TTC28: variants seen among roughly 807,000 people sequenced by gnomAD.
TTC28 encodes tetratricopeptide repeat protein 28.
Under a neutral mutation model 198.0 loss-of-function variants are expected in TTC28, and 61 were observed. That is an observed-to-expected ratio of 0.31 (90% CI 0.25 to 0.38). The LOEUF is 0.38. Among genes scored for constraint, TTC28 ranks in the 10% least tolerant of loss-of-function variants. The probability of loss-of-function intolerance (pLI) is 1.00; values close to 1 mark genes in which losing one functional copy is unlikely to be tolerated. For synonymous variants in TTC28, 1,171 were observed against 1,297.8 expected, an observed-to-expected ratio of 0.90 and a Z score of 2.10; for missense variants, 2,678 against 3,164.0, an observed-to-expected ratio of 0.85 and a Z score of 3.69.
At chr22:28,336,750 C>G (rs533155507) in intron 2 of TTC28, among the ~76,000 whole-genome samples, 1 of 152,010 alleles carries the variant, frequency 6.6e-6, no homozygotes, top group African/African-American at 2.4e-5. Context: ...ATTCGTCTTG[C>G]TAGCAGTCTA....
chr22:28,125,778 T>C (rs552661998), intron 6 of TTC28, among the ~76,000 whole-genome samples: 19 of 152,268 alleles, frequency 1.2e-4, no homozygotes, highest in African/African-American at 4.1e-4. Flanking sequence ...TTATTCAGCA[T>C]AGAAATATGT....
chr22:28,167,058 A>C (rs1193851072), intron 5 of TTC28, among the ~76,000 whole-genome samples: 2 of 152,230 alleles, frequency 1.3e-5, no homozygotes, highest in Non-Finnish European at 2.9e-5. Context: ...ACGCAAAAAA[A>C]CTAGAAAATC....
intron 6 of TTC28, among the ~76,000 whole-genome samples, chr22:28,157,481 A>T (rs1237618707): frequency 1.3e-5 from 2 of 152,224 alleles, no homozygotes; most frequent in East Asian, 1.9e-4. Flanking sequence ...CCAAAGACAC[A>T]TCAAACTACA....
chr22:28,329,813 A>G (rs2045587887), intron 2 of TTC28, among the ~76,000 whole-genome samples: 1 of 152,212 alleles, frequency 6.6e-6, no homozygotes, highest in Admixed American at 6.5e-5. Flanking sequence ...TAACATCTTG[A>G]GGTCTCAGGA....
intron 12 of TTC28, among the ~76,000 whole-genome samples, chr22:28,048,994 A>G (rs1939973481): frequency 6.6e-6 from 1 of 152,162 alleles, no homozygotes; most frequent in Non-Finnish European, 1.5e-5. Flanking sequence ...AGCAGCACCT[A>G]CTAGGTGAAT....
At position 27,978,044 on chromosome 22, in the gene TTC28, A is replaced by G. The variant is rs2146479896; in HGVS notation, c.*4177T>C. 6.6e-6 allele frequency: 1 copy of G among 152,368 alleles called. No homozygotes were observed. The highest frequency in any genetic ancestry group is 1.5e-5 in the Non-Finnish European group (1 of 68,038). 9.4% of individuals were successfully genotyped at this position (152,368 alleles called of 1,614,324 possible). A position where few individuals can be genotyped will look rare whatever the true frequency, so the allele number is the denominator to read the frequency against. ...ACTGAGGGAACTCATGCTTTAATAG[A>G]CACTGAAAATCACAAAGGAGGAAGG... On this transcript the variant is annotated 3_prime_UTR_variant, in exon 23 of 23. Transcript: ENST00000397906.
At chr22:28,553,881 G>A (rs1203659043) in intron 2 of TTC28, among the ~76,000 whole-genome samples, 10 of 152,346 alleles carry the variant, frequency 6.6e-5, no homozygotes, top group East Asian at 1.9e-4. Flanking sequence ...TGTGCCCAGC[G>A]GCTCATTGAG....
Position 27,982,198 on chromosome 22 carries a change from A to T in TTC28, c.*23T>A. The T allele has an allele frequency of 6.9e-7, 1 of 1,458,954 alleles. No homozygotes were observed. Among genetic ancestry groups the T allele is most frequent in the East Asian group, 2.5e-5 (1 of 40,206 alleles). 90.4% of individuals were successfully genotyped at this position (1,458,954 alleles called of 1,614,324 possible). ...AGGCCCCCATCTGCAGGCTGCTCAG[A>T]GTCAGTGGGTATAAAAGATGCTTTA... On this transcript the variant is annotated 3_prime_UTR_variant, in exon 23 of 23. Transcript: ENST00000397906. This position sits in a 1 kb window ranked among gnomAD's most constrained non-coding sequence, Gnocchi z 5.2.
At position 28,179,451 on chromosome 22, in the gene TTC28, C is replaced by T. The variant is rs544793164; in HGVS notation, c.934-15852G>A. 9.4e-4 allele frequency among the ~76,000 whole-genome samples: 143 copies of T among 152,234 alleles called. 1 individual carries two copies. The highest frequency in any genetic ancestry group is 3.2e-3 in the African/African-American group (135 of 41,546). On this transcript the variant is annotated intron_variant, in intron 5 of 22. Transcript: ENST00000397906. ...TTGGGATTAAAGGCATGAGGCACCG[C>T]GCCTGGCCTAGGGCGGTTTTTAAGG... is the stretch of plus-strand genomic sequence containing the variant.
At chr22:28,587,478 T>C (rs188185635) in intron 2 of TTC28, among the ~76,000 whole-genome samples, 111 of 152,314 alleles carry the variant, frequency 7.3e-4, no homozygotes, top group African/African-American at 2.6e-3. Flanking sequence ...TTCTGAACTC[T>C]AAAAGAATCC....
chr22:28,585,268 C>G (rs560711289), intron 2 of TTC28, among the ~76,000 whole-genome samples: 1 of 152,244 alleles, frequency 6.6e-6, no homozygotes, highest in Admixed American at 6.5e-5. Context: ...AATTATACAA[C>G]TCACCATAAT....
At chr22:28,211,601 A>C (rs1023215243) in intron 5 of TTC28, among the ~76,000 whole-genome samples, 3 of 152,196 alleles carry the variant, frequency 2.0e-5, no homozygotes, top group Non-Finnish European at 2.9e-5. Context: ...ATATATATGC[A>C]CCCAATACAG....
intron 12 of TTC28, among the ~76,000 whole-genome samples, chr22:28,075,760 G>A (rs937088592): frequency 2.0e-5 from 3 of 152,120 alleles, no homozygotes; most frequent in African/African-American, 7.2e-5. Context: ...TCACCCTTTA[G>A]GGCCCAGCTA....
rs545318786 is a variant in TTC28 at position 28,528,949 on chromosome 22, T to C, written c.381+100603A>G. Among the ~76,000 whole-genome samples the C allele has an allele frequency of 3.3e-5, 5 of 149,452 alleles. No individual in the cohort carries two copies. In the East Asian group the frequency reaches 9.8e-4, roughly 29 times the overall value. On this transcript the variant is annotated intron_variant, in intron 2 of 22. Coordinates refer to ENST00000397906, the MANE Select transcript of TTC28 (RefSeq NM_001145418.2). ...TAGAAGACATAAAAGAATGGGGAGG[T>C]TCCAAGATTACCAAATAGGAACAAC...
At chr22:28,353,958 G>T (rs1045291189) in intron 2 of TTC28, among the ~76,000 whole-genome samples, 1 of 152,084 alleles carries the variant, frequency 6.6e-6, no homozygotes, top group South Asian at 2.1e-4. Context: ...TTAGAAAAAT[G>T]CAAGTCAAAA....
chr22:28,243,764 G>A (rs1211811386), intron 5 of TTC28, among the ~76,000 whole-genome samples: 1 of 152,082 alleles, frequency 6.6e-6, no homozygotes, highest in African/African-American at 2.4e-5. Context: ...GCAGGCAAAA[G>A]GTAAAAGGAG....
chr22:28,364,991 A>G (rs944065294), intron 2 of TTC28, among the ~76,000 whole-genome samples: 3 of 152,230 alleles, frequency 2.0e-5, no homozygotes, highest in Non-Finnish European at 4.4e-5. Flanking sequence ...TGTGGGTAAA[A>G]TACTATCAAA....
At chr22:28,488,749 C>T in intron 2 of TTC28, among the ~76,000 whole-genome samples, 1 of 152,136 alleles carries the variant, frequency 6.6e-6, no homozygotes, top group Admixed American at 6.6e-5. Context: ...AGATCCCTGG[C>T]TTCTGACAGA....
At position 28,629,842 on chromosome 22, in the gene TTC28, G is replaced by T. The variant is rs2051143807; in HGVS notation, c.103-12C>A. ...CCAAAGAGAGGAATCTACAAACAAA[G>T]AAACTTTATCAGAAAAAGTTCAGAT... On this transcript the variant is annotated splice_polypyrimidine_tract_variant and intron_variant, in intron 1 of 22. Transcript: ENST00000397906. 6.5e-7 allele frequency: 1 copy of T among 1,538,938 alleles called. No individual in the cohort carries two copies. Among genetic ancestry groups the T allele is most frequent in the East Asian group, 2.4e-5 (1 of 40,834 alleles).
Sources: allele counts gnomAD v4.1 joint callset (sites outside exome capture counted in the v4.1 genomes callset), GRCh38; gene constraint gnomAD v4.1.1; non-coding constraint Gnocchi (gnomAD v3.1); transcripts MANE v1.5; gene names NCBI Gene and HGNC (gene_info 2026-07-23, HGNC 2026-07-21).